The following KIAA1328 variants were observed in gnomAD, a reference collection of about 807,000 sequenced individuals.
KIAA1328 encodes protein hinderin.
KIAA1328 carries 52 observed loss-of-function variants against 68.1 expected under a neutral mutation model. The observed-to-expected ratio is 0.76, with a 90% CI of 0.61 to 0.96. The LOEUF (loss-of-function observed/expected upper bound fraction) is 0.96. Among genes scored for constraint, KIAA1328 ranks in the 40% least tolerant of loss-of-function variants. KIAA1328 has a pLI of 0.00. For missense variants in KIAA1328, 641 were observed against 677.6 expected (o/e 0.95, Z 0.60); for synonymous variants, 232 against 239.4 (o/e 0.97, Z 0.28).
intron 7 of KIAA1328, among the ~76,000 whole-genome samples, chr18:37,159,443 G>A (rs953824084): frequency 2.0e-5 from 3 of 151,988 alleles, no homozygotes; most frequent in Admixed American, 2.0e-4. Flanking sequence ...ATTGTTTATG[G>A]GCATGGGGAA....
At chr18:37,096,086 T>C (rs1392729928) in intron 7 of KIAA1328, among the ~76,000 whole-genome samples, 1 of 152,208 alleles carries the variant, frequency 6.6e-6, no homozygotes, top group Non-Finnish European at 1.5e-5. Context: ...CCAATTCTTT[T>C]TTTTTTTCTA....
At chr18:37,074,777 C>A (rs1308071316) in intron 7 of KIAA1328, 1 of 162,566 alleles carries the variant, frequency 6.2e-6, no homozygotes, top group Non-Finnish European at 1.3e-5. Context: ...TCATCTGAAT[C>A]CTTCTCTCAA....
chr18:37,030,893 T>G (rs1183748084), intron 6 of KIAA1328, among the ~76,000 whole-genome samples: 1 of 151,890 alleles, frequency 6.6e-6, no homozygotes, highest in Non-Finnish European at 1.5e-5. Context: ...CCAAGTCTTC[T>G]CATTGTTCAA....
intron 9 of KIAA1328, among the ~76,000 whole-genome samples, chr18:37,182,965 C>G (rs1351587644): frequency 6.6e-6 from 1 of 152,156 alleles, no homozygotes; most frequent in Non-Finnish European, 1.5e-5. Context: ...GCCAAATGCC[C>G]TGAGTGACAG....
chr18:36,849,448 GCTT>G (rs2047141176), intron 4 of KIAA1328, among the ~76,000 whole-genome samples: 1 of 151,940 alleles, frequency 6.6e-6, no homozygotes, highest in Non-Finnish European at 1.5e-5. Context: ...GGCTCTGACA[GCTT>G]CTAATCTGTT....
intron 7 of KIAA1328, among the ~76,000 whole-genome samples, chr18:37,115,443 G>A (rs1011693199): frequency 6.6e-6 from 1 of 152,162 alleles, no homozygotes; most frequent in African/African-American, 2.4e-5. Context: ...ATGCAGAACA[G>A]GCCTTCAACA....
chr18:37,006,922 A>G (rs1324392733), intron 6 of KIAA1328, among the ~76,000 whole-genome samples: 1 of 152,210 alleles, frequency 6.6e-6, no homozygotes, highest in East Asian at 1.9e-4. Context: ...ATGACTCACA[A>G]TAAAACTCAA....
intron 5 of KIAA1328, among the ~76,000 whole-genome samples, chr18:36,897,628 TGA>T (rs2048906736): frequency 6.6e-6 from 1 of 152,030 alleles, no homozygotes; most frequent in African/African-American, 2.4e-5. Context: ...TAGTTATTAG[TGA>T]GTTCAGAGAA....
chr18:36,844,371 C>A, intron 4 of KIAA1328, 69 bp downstream of exon 4: 4 of 1,026,064 alleles, frequency 3.9e-6, no homozygotes, highest in Non-Finnish European at 2.8e-6. Context: ...CAGAAAATTG[C>A]AAATATATTT....
At chr18:36,883,569 G>C (rs776149959) in intron 4 of KIAA1328, among the ~76,000 whole-genome samples, 13 of 152,184 alleles carry the variant, frequency 8.5e-5, no homozygotes, top group Non-Finnish European at 1.5e-4. Flanking sequence ...TCCATGCTCT[G>C]TAAAGATACT....
intron 5 of KIAA1328, among the ~76,000 whole-genome samples, chr18:36,899,598 A>T (rs1454368058): frequency 1.3e-5 from 2 of 151,988 alleles, no homozygotes; most frequent in African/African-American, 4.8e-5. Flanking sequence ...AAATATACAT[A>T]TACTCATGAT....
Position 37,067,174 on chromosome 18 carries a change from A to G in KIAA1328, c.861A>G (p.Gln287=), listed in dbSNP as rs766522920. The change falls in exon 7 of 10, where the codon CAA becomes CAG. Residue 287 remains glutamine (Q), a synonymous_variant. Transcript: ENST00000280020. The part of the protein sequence containing the change: ...KPAVPTEKMP[Q]EELHMKECPH... ...CAGTCCCAACAGAGAAAATGCCACA[A>G]GAAGAATTGCACATGAAGGAATGTC... 16 of 1,613,904 alleles carry G rather than the reference A, an allele frequency of 9.9e-6. No individual in the cohort carries two copies. The African/African-American group carries it at 1.3e-4, about 13-fold the overall frequency.
chr18:37,225,481 GAA>G (rs1568557744), downstream of KIAA1328: 2 of 241,786 alleles, frequency 8.3e-6, no homozygotes, highest in African/African-American at 4.6e-5. Context: ...TTGACTGAGA[GAA>G]AGGAAATGGT....
At chr18:37,107,188 G>A (rs552345643) in intron 7 of KIAA1328, among the ~76,000 whole-genome samples, 12 of 152,238 alleles carry the variant, frequency 7.9e-5, no homozygotes, top group Non-Finnish European at 7.4e-5. Context: ...GAAGTGGGCC[G>A]GGGTCATGCC....
chr18:37,117,104 G>A (rs1423637540), intron 7 of KIAA1328, among the ~76,000 whole-genome samples: 7 of 152,180 alleles, frequency 4.6e-5, no homozygotes, highest in African/African-American at 1.4e-4. Context: ...ACAGTGTGGC[G>A]ATTCCTCAGG....
chr18:37,079,654 C>G (rs889671145), intron 7 of KIAA1328, among the ~76,000 whole-genome samples: 46 of 151,890 alleles, frequency 3.0e-4, no homozygotes, highest in African/African-American at 1.1e-3. Flanking sequence ...TTTGGGAGGC[C>G]GAGGTGGTGG....
chr18:37,127,920 T>C (rs1316243082), intron 7 of KIAA1328, among the ~76,000 whole-genome samples: 1 of 152,098 alleles, frequency 6.6e-6, no homozygotes, highest in Non-Finnish European at 1.5e-5. Flanking sequence ...ATATATATGT[T>C]CAATTGATAT....
intron 3 of KIAA1328, 65 bp downstream of exon 3, chr18:36,835,441 G>C (rs1222075275): frequency 9.0e-6 from 13 of 1,441,102 alleles, no homozygotes; most frequent in Middle Eastern, 1.8e-4. Flanking sequence ...GACCAAAAAG[G>C]GTAGAAGAAC....
chr18:36,968,191 T>C (rs935575495), intron 6 of KIAA1328, among the ~76,000 whole-genome samples: 8 of 152,126 alleles, frequency 5.3e-5, no homozygotes, highest in African/African-American at 1.9e-4. Flanking sequence ...CCAGTGACAC[T>C]ATAATGCAAC....
Sources: allele counts gnomAD v4.1 joint callset (sites outside exome capture counted in the v4.1 genomes callset), GRCh38; gene constraint gnomAD v4.1.1; transcripts MANE v1.5; gene names NCBI Gene and HGNC (gene_info 2026-07-23, HGNC 2026-07-21).